Variants in PTPRN2 observed in about 807,000 individuals in gnomAD.
The protein encoded by PTPRN2 is receptor-type tyrosine-protein phosphatase N2.
Under a neutral mutation model 118.8 loss-of-function variants are expected in PTPRN2, and 74 were observed. The observed-to-expected ratio is 0.62, with a 90% confidence interval of 0.52 to 0.76. The LOEUF (loss-of-function observed/expected upper bound fraction) is 0.76, where lower values mean the gene tolerates loss of function less well. Ranked by LOEUF, PTPRN2 falls within the 30% of genes least tolerant of loss-of-function variation. The pLI, the probability that PTPRN2 is intolerant of heterozygous loss-of-function variation, is 0.00. For synonymous variants in PTPRN2, 641 were observed against 608.0 expected (o/e 1.05, Z -0.80); for missense variants, 1,481 against 1,394.4 (o/e 1.06, Z -0.99).
At chr7:158,101,870 C>T (rs560606019) in intron 10 of PTPRN2, among the ~76,000 whole-genome samples, 4 of 152,184 alleles carry the variant, frequency 2.6e-5, no homozygotes, top group Admixed American at 6.5e-5. Flanking sequence ...CCACCCTCTC[C>T]CAGGGGATGT....
intron 12 of PTPRN2, among the ~76,000 whole-genome samples, chr7:157,875,375 G>C (rs796286201): frequency 2.2e-4 from 33 of 152,338 alleles, no homozygotes; most frequent in African/African-American, 7.9e-4. Context: ...CATGGTGGGA[G>C]GTGGCAAACC....
intron 12 of PTPRN2, among the ~76,000 whole-genome samples, chr7:157,706,229 C>T (rs1468823431): frequency 2.6e-5 from 4 of 152,170 alleles, no homozygotes; most frequent in Non-Finnish European, 5.9e-5. Flanking sequence ...CCAGTGCCTT[C>T]TGGATTAGCG....
chr7:158,054,332 T>C (rs1199010515), intron 11 of PTPRN2, among the ~76,000 whole-genome samples: 2 of 152,038 alleles, frequency 1.3e-5, no homozygotes, highest in Non-Finnish European at 2.9e-5. Context: ...AGTCCCAAAG[T>C]GGGACAGGGT....
chr7:157,696,091 GTCTTGGC>G (rs1797758969), intron 12 of PTPRN2, among the ~76,000 whole-genome samples: 1 of 117,336 alleles, frequency 8.5e-6, no homozygotes, highest in Non-Finnish European at 1.8e-5. Flanking sequence ...TGCATACTGG[GTCTTGGC>G]AGAGCCCTCA....
At chr7:157,599,547 C>T (rs1252836960) in intron 16 of PTPRN2, among the ~76,000 whole-genome samples, 1 of 152,156 alleles carries the variant, frequency 6.6e-6, no homozygotes, top group African/African-American at 2.4e-5. Flanking sequence ...CCACAATTTC[C>T]CCAATATTCC....
At chr7:158,046,789 C>T (rs1033768292) in intron 11 of PTPRN2, among the ~76,000 whole-genome samples, 12 of 152,160 alleles carry the variant, frequency 7.9e-5, no homozygotes, top group Admixed American at 7.9e-4. Flanking sequence ...ATTTTGGAGA[C>T]GGCAGGACGG....
At chr7:158,387,537 G>A (rs943652551) in intron 2 of PTPRN2, among the ~76,000 whole-genome samples, 2 of 152,302 alleles carry the variant, frequency 1.3e-5, no homozygotes, top group Admixed American at 6.5e-5. Context: ...GGGTCCTGGG[G>A]GGACTGGACT....
chr7:157,813,648 C>T lies in PTPRN2; in HGVS notation c.1788+85025G>A, dbSNP rs1431922100. 6.6e-6 allele frequency among the ~76,000 whole-genome samples: 1 copy of T among 152,226 alleles called. No homozygotes were observed. Among genetic ancestry groups the T allele is most frequent in the African/African-American group, 2.4e-5 (1 of 41,448 alleles). ...GGGCGGGTCCGGGGGAGTCGCATTT[C>T]TTCCTCACTGCATCGCTGTATTTTC... On this transcript the variant is annotated intron_variant, in intron 12 of 22. Coordinates refer to ENST00000389418, the MANE Select transcript of PTPRN2 (RefSeq NM_002847.5). The surrounding 1 kb of genome is among the most constrained non-coding windows in gnomAD (Gnocchi z 4.7).
At chr7:157,772,299 A>G (rs1466720412) in intron 12 of PTPRN2, among the ~76,000 whole-genome samples, 1 of 151,274 alleles carries the variant, frequency 6.6e-6, no homozygotes, top group African/African-American at 2.5e-5. Context: ...AAACACACAG[A>G]CATACAGACA....
At chr7:158,216,320 A>C (rs887873124) in intron 3 of PTPRN2, among the ~76,000 whole-genome samples, 2 of 152,146 alleles carry the variant, frequency 1.3e-5, no homozygotes, top group Admixed American at 6.5e-5. Flanking sequence ...CAAAAAATAC[A>C]AGAACAAGTA....
Position 158,536,015 on chromosome 7 carries a change from T to C in PTPRN2, c.113-46230A>G, listed in dbSNP as rs974912777. Reference sequence around the variant, plus strand: ...ACCTTACTAACCAGAACCCCACACATAACCACACAAAACACTCAAAACAAC... The same window carrying C: ...ACCTTACTAACCAGAACCCCACACACAACCACACAAAACACTCAAAACAAC... On this transcript the variant is annotated intron_variant, in intron 1 of 22. Transcript: ENST00000389418. 1.5e-4 allele frequency among the ~76,000 whole-genome samples: 22 copies of C among 150,682 alleles called. 1 individual carries two copies. The highest frequency in any genetic ancestry group is 1.3e-3 in the Admixed American group (20 of 15,044).
At chr7:157,548,813 C>T (rs532697109) in intron 22 of PTPRN2, 133 bp downstream of exon 22, 11 of 918,628 alleles carry the variant, frequency 1.2e-5, no homozygotes, top group South Asian at 3.0e-5. Flanking sequence ...CCGGCATGGA[C>T]GAGGCCGGTC....
chr7:158,509,955 A>G lies in PTPRN2; in HGVS notation c.113-20170T>C, dbSNP rs1352711404. On this transcript the variant is annotated intron_variant, in intron 1 of 22. Coordinates refer to ENST00000389418, the MANE Select transcript of PTPRN2 (RefSeq NM_002847.5). This position sits in a 1 kb window ranked among gnomAD's most constrained non-coding sequence, Gnocchi z 4.4. ...CAGGCTATGAGGGGAGCACGAAGAT[A>G]GAGGACGAGACACAAGTCAAGCCTT... Among the ~76,000 whole-genome samples, 2 of 152,238 alleles carry G rather than the reference A, an allele frequency of 1.3e-5. No homozygotes were observed. The highest frequency in any genetic ancestry group is 2.9e-5 in the Non-Finnish European group (2 of 68,048).
At chr7:157,954,863 C>A (rs1220871601) in intron 11 of PTPRN2, among the ~76,000 whole-genome samples, 1 of 152,168 alleles carries the variant, frequency 6.6e-6, no homozygotes, top group African/African-American at 2.4e-5. Context: ...TTTTGGTCAT[C>A]ATTTCTATTT....
intron 12 of PTPRN2, among the ~76,000 whole-genome samples, chr7:157,684,641 G>C (rs968400640): frequency 1.8e-4 from 24 of 136,808 alleles, no homozygotes; most frequent in Non-Finnish European, 3.3e-4. Flanking sequence ...CTTCCAGAAA[G>C]AAGTCACTCT....
Position 157,824,459 on chromosome 7 carries a change from C to T in PTPRN2, c.1788+74214G>A, listed in dbSNP as rs546933316. ...GCAGCTTCCCGAGGACAAGTGCATGCTGTCCGTGGATTCTCTGTGCCTGCA... is the reference window on the plus strand; with the variant it reads ...GCAGCTTCCCGAGGACAAGTGCATGTTGTCCGTGGATTCTCTGTGCCTGCA... On this transcript the variant is annotated intron_variant, in intron 12 of 22. Coordinates refer to ENST00000389418, the MANE Select transcript of PTPRN2 (RefSeq NM_002847.5). Among the ~76,000 whole-genome samples, 4 of 152,360 alleles carry T rather than the reference C, an allele frequency of 2.6e-5. No individual in the cohort carries two copies. The East Asian group carries it at 7.7e-4, about 29-fold the overall frequency.
intron 12 of PTPRN2, among the ~76,000 whole-genome samples, chr7:157,889,516 C>CTTCA (rs1223610506): frequency 3.3e-5 from 5 of 152,230 alleles, no homozygotes; most frequent in Non-Finnish European, 5.9e-5. Context: ...CAGGGAGGGC[C>CTTCA]TTCATGTCCT....
intron 2 of PTPRN2, among the ~76,000 whole-genome samples, chr7:158,326,931 GCACA>G (rs1389897966): frequency 1.0e-4 from 15 of 146,388 alleles, no homozygotes; most frequent in African/African-American, 3.1e-4. Context: ...GTTCTCACAT[GCACA>G]CATACACATT....
At chr7:157,643,594 GA>G (rs1804839530) in intron 14 of PTPRN2, among the ~76,000 whole-genome samples, 1 of 152,212 alleles carries the variant, frequency 6.6e-6, no homozygotes, top group African/African-American at 2.4e-5. Flanking sequence ...GCATCCCAGG[GA>G]AATCCAGAAC....
Sources: gnomAD v4.1 joint callset for allele counts (sites outside exome capture counted in the v4.1 genomes callset) on GRCh38, gnomAD v4.1.1 for gene constraint, Gnocchi (gnomAD v3.1) non-coding constraint, MANE v1.5 for transcripts, NCBI Gene and HGNC (gene_info 2026-07-23, HGNC 2026-07-21) for gene names.